SLC17A1: variants seen among roughly 807,000 people sequenced by gnomAD.
SLC17A1 encodes solute carrier family 17 member 1, also known as sodium-dependent phosphate transport protein 1.
SLC17A1 carries 51 observed loss-of-function variants against 53.5 expected under a neutral mutation model. That is an observed-to-expected ratio of 0.95 (90% CI 0.76 to 1.20). The LOEUF is 1.20. Among genes scored for constraint, SLC17A1 ranks in the 50% most tolerant of loss-of-function variants. The probability of loss-of-function intolerance (pLI) is 0.00; values close to 1 mark genes in which losing one functional copy is unlikely to be tolerated. For synonymous variants in SLC17A1, 179 were observed against 198.8 expected (o/e 0.90, Z 0.84); for missense variants, 538 against 568.2 (o/e 0.95, Z 0.54).
chr6:25,813,212 A>T lies in SLC17A1; in HGVS notation c.618T>A (p.Gly206=). ...LGWPMVFYIF[G]ACGCAVCLLW... Reference sequence around the variant, plus strand: ...GAAGACATACGGCACAGCCACAAGCACCTATCAAAGCAGGGTAAGTTAGAA... The same window carrying T: ...GAAGACATACGGCACAGCCACAAGCTCCTATCAAAGCAGGGTAAGTTAGAA... Residue 206 remains glycine, a splice_region_variant and synonymous_variant, in exon 7 of 13, where the codon GGT becomes GGA. Transcript: ENST00000244527. 6.2e-7 allele frequency: 1 copy of T among 1,613,116 alleles called. No homozygotes were observed. The highest frequency in any genetic ancestry group is 8.5e-7 in the Non-Finnish European group (1 of 1,179,058).
chr6:25,778,165 T>G, downstream of SLC17A1: 2 of 584,668 alleles, frequency 3.4e-6, no homozygotes, highest in Non-Finnish European at 6.0e-6. Context: ...TTAAAGAAAC[T>G]TAAGATTCTT....
the SLC17A1 span, among the ~76,000 whole-genome samples, chr6:25,748,365 C>T: frequency 3.3e-5 from 5 of 152,144 alleles, no homozygotes; most frequent in Non-Finnish European, 4.4e-5. Context: ...GGACATCCTA[C>T]TCCAGATCTT....
At chr6:25,740,531 T>C in the SLC17A1 span, among the ~76,000 whole-genome samples, 1 of 152,132 alleles carries the variant, frequency 6.6e-6, no homozygotes, top group South Asian at 2.1e-4. Flanking sequence ...TACAATAAAA[T>C]GTAAGTTGCA....
At chr6:25,750,000 T>C in the SLC17A1 span, among the ~76,000 whole-genome samples, 10 of 152,334 alleles carry the variant, frequency 6.6e-5, no homozygotes, top group African/African-American at 2.2e-4. Flanking sequence ...TTACATTGTA[T>C]GCCACTAATT....
At chr6:25,753,886 T>C in the SLC17A1 span, among the ~76,000 whole-genome samples, 6 of 151,794 alleles carry the variant, frequency 4.0e-5, no homozygotes, top group Non-Finnish European at 5.9e-5. Flanking sequence ...TGAGTTTAGA[T>C]AGGGAGGAAG....
At chr6:25,750,001 G>A in the SLC17A1 span, among the ~76,000 whole-genome samples, 1 of 152,196 alleles carries the variant, frequency 6.6e-6, no homozygotes, top group Non-Finnish European at 1.5e-5. Context: ...TACATTGTAT[G>A]CCACTAATTA....
At chr6:25,776,668 T>G in the SLC17A1 span, 2 of 1,613,796 alleles carry the variant, frequency 1.2e-6, no homozygotes, top group African/African-American at 2.7e-5. Context: ...CTGGCAGACT[T>G]TCTTCTCTCC....
chr6:25,779,634 A>AACAATAATGATTCCATCATGAT (rs1434114400), downstream of SLC17A1: 1 of 157,188 alleles, frequency 6.4e-6, no homozygotes, highest in East Asian at 1.9e-4. Context: ...AGGAGGAAAG[A>AACAATAATGATTCCATCATGAT]ACAATAATGA....
intron 12 of SLC17A1, among the ~76,000 whole-genome samples, chr6:25,783,997 A>G (rs547845555): frequency 1.3e-5 from 1 of 76,188 alleles, no homozygotes; most frequent in South Asian, 6.0e-4. Context: ...AAGGTTCTAA[A>G]CTGGGTGTCA....
intron 12 of SLC17A1, among the ~76,000 whole-genome samples, chr6:25,788,321 A>G (rs1763427416): frequency 6.6e-6 from 1 of 152,036 alleles, no homozygotes; most frequent in Admixed American, 6.5e-5. Flanking sequence ...TACTAACATC[A>G]TATGACCAGT....
At chr6:25,745,855 G>A in the SLC17A1 span, among the ~76,000 whole-genome samples, 41,316 of 152,080 alleles carry the variant, frequency 0.27, 6,827 homozygotes, top group East Asian at 0.7. Flanking sequence ...TTTCTTTAGA[G>A]CTTCTCCCTT....
chr6:25,726,741 T>A, the SLC17A1 span: 1 of 1,084,198 alleles, frequency 9.2e-7, no homozygotes, highest in Non-Finnish European at 1.3e-6. Context: ...TTGAGGGCCG[T>A]GCCTATAAAT....
At chr6:25,778,194 A>G (rs1334609927), downstream of SLC17A1, among the ~76,000 whole-genome samples, 1 of 152,092 alleles carries the variant, frequency 6.6e-6, no homozygotes, top group Non-Finnish European at 1.5e-5. Flanking sequence ...TAAGAATCTT[A>G]CTGGTATAAA....
the SLC17A1 span, chr6:25,770,435 C>G: frequency 6.2e-7 from 1 of 1,614,128 alleles, no homozygotes; most frequent in Admixed American, 1.7e-5. Context: ...GGCTCCCCCA[C>G]TGGAAAGGAG....
At chr6:25,761,898 T>C in the SLC17A1 span, 1 of 1,319,856 alleles carries the variant, frequency 7.6e-7, no homozygotes, top group African/African-American at 1.5e-5. Context: ...ATTCTCCCTG[T>C]ATTTTCTTTT....
intron 12 of SLC17A1, among the ~76,000 whole-genome samples, chr6:25,798,363 T>C (rs1413908129): frequency 1.3e-5 from 2 of 152,208 alleles, no homozygotes; most frequent in African/African-American, 2.4e-5. Flanking sequence ...AGGGTTACCT[T>C]TAAAGTTTCT....
In SLC17A1 at chr6:25,812,887, T is replaced by A; in HGVS notation, c.841A>T (p.Met281Leu). ...ATAAACATTGGAGTGTATAGTGTCA[T>A]GATGTTATGTGACCAGAAAAACGTA... ...SFTFFWSHNI[M>L]TLYTPMFINS... The change falls in exon 8 of 13, where the codon ATG becomes TTG. Residue 281 changes from methionine to leucine, a missense_variant. Met to Leu is a conservative substitution (Grantham distance 15). Transcript: ENST00000244527. 1.9e-6 allele frequency: 3 copies of A among 1,613,190 alleles called. No individual in the cohort carries two copies. The highest frequency in any genetic ancestry group is 2.5e-6 in the Non-Finnish European group (3 of 1,179,136).
the SLC17A1 span, among the ~76,000 whole-genome samples, chr6:25,755,524 C>G: frequency 6.6e-6 from 1 of 151,628 alleles, no homozygotes; most frequent in Non-Finnish European, 1.5e-5. Context: ...AGCAGAGGAA[C>G]AGGGTGCATA....
downstream of SLC17A1, among the ~76,000 whole-genome samples, chr6:25,778,696 T>A (rs1317510): frequency 6.6e-6 from 1 of 152,036 alleles, no homozygotes; most frequent in Non-Finnish European, 1.5e-5. Context: ...GAATAGCAAA[T>A]GCTTAGCAAA....
Sources: allele counts gnomAD v4.1 joint callset (sites outside exome capture counted in the v4.1 genomes callset), GRCh38; gene constraint gnomAD v4.1.1; transcripts MANE v1.5; gene names NCBI Gene and HGNC (gene_info 2026-07-23, HGNC 2026-07-21).